The following DLG2 variants were observed in gnomAD, a reference collection of about 807,000 sequenced individuals.
The protein encoded by DLG2 is disks large homolog 2.
In DLG2, 45 loss-of-function variants were observed where a neutral mutation model predicts 132.5. The observed-to-expected ratio is 0.34, with a 90% confidence interval of 0.27 to 0.44. The LOEUF is 0.44. DLG2 is among the 20% of genes least tolerant of loss of function. The pLI, the probability that DLG2 is intolerant of heterozygous loss-of-function variation, is 1.00. For synonymous variants in DLG2, 424 were observed against 419.6 expected, an observed-to-expected ratio of 1.01 and a Z score of -0.13; for missense variants, 1,045 against 1,196.9, an observed-to-expected ratio of 0.87 and a Z score of 1.87.
chr11:85,139,946 T>C (rs2076359885), intron 5 of DLG2, among the ~76,000 whole-genome samples: 1 of 152,028 alleles, frequency 6.6e-6, no homozygotes, highest in Admixed American at 6.6e-5. Flanking sequence ...CTTATTTCAC[T>C]TAGCATAATG....
intron 7 of DLG2, among the ~76,000 whole-genome samples, chr11:84,345,126 T>C (rs2098533559): frequency 6.6e-6 from 1 of 152,096 alleles, no homozygotes; most frequent in South Asian, 2.1e-4. Context: ...TGCAAACTCA[T>C]GAAAATAAGA....
chr11:83,866,026 C>T (rs1048368344), intron 16 of DLG2, among the ~76,000 whole-genome samples: 4 of 152,084 alleles, frequency 2.6e-5, no homozygotes, highest in Non-Finnish European at 5.9e-5. Flanking sequence ...CCTGACCACC[C>T]CGACAAAGTC....
intron 7 of DLG2, among the ~76,000 whole-genome samples, chr11:84,491,025 T>A (rs1028516241): frequency 1.3e-5 from 2 of 151,790 alleles, no homozygotes; most frequent in Admixed American, 1.3e-4. Flanking sequence ...CATCTCAGAG[T>A]TAGTGGTAGA....
intron 8 of DLG2, among the ~76,000 whole-genome samples, chr11:84,189,005 GTTTA>G (rs1382727526): frequency 6.6e-6 from 1 of 152,086 alleles, no homozygotes; most frequent in Non-Finnish European, 1.5e-5. Context: ...TTCCTTATTT[GTTTA>G]TTTATTCATC....
intron 18 of DLG2, among the ~76,000 whole-genome samples, chr11:83,666,516 G>A (rs2075605409): frequency 6.6e-6 from 1 of 152,182 alleles, no homozygotes; most frequent in African/African-American, 2.4e-5. Context: ...GATGATCTGA[G>A]ATGGAATAGT....
chr11:85,122,781 G>T (rs2074478548), intron 5 of DLG2, among the ~76,000 whole-genome samples: 1 of 150,594 alleles, frequency 6.6e-6, no homozygotes, highest in Non-Finnish European at 1.5e-5. Flanking sequence ...AATCCCTGAA[G>T]GATTATAACG....
At chr11:83,881,468 G>T (rs1042429690) in intron 15 of DLG2, among the ~76,000 whole-genome samples, 1 of 152,008 alleles carries the variant, frequency 6.6e-6, no homozygotes, top group African/African-American at 2.4e-5. Context: ...AAGATGTGTT[G>T]GCCATTATAG....
chr11:83,841,854 A>G (rs1276706406), intron 16 of DLG2, among the ~76,000 whole-genome samples: 1 of 152,206 alleles, frequency 6.6e-6, no homozygotes, highest in African/African-American at 2.4e-5. Context: ...CACTGTGAAT[A>G]CAAAGATTAA....
At chr11:85,499,481 A>G (rs1032874531) in intron 3 of DLG2, among the ~76,000 whole-genome samples, 3 of 152,190 alleles carry the variant, frequency 2.0e-5, no homozygotes, top group Non-Finnish European at 4.4e-5. Flanking sequence ...AAAGTCCAGG[A>G]CCAGATGGAT....
chr11:85,585,795 C>A (rs2078929325), intron 3 of DLG2, among the ~76,000 whole-genome samples: 1 of 151,674 alleles, frequency 6.6e-6, no homozygotes, highest in South Asian at 2.1e-4. Context: ...CTCACTGCAA[C>A]CTCTGCCTCC....
At chr11:84,986,876 A>T (rs1205865927) in intron 6 of DLG2, among the ~76,000 whole-genome samples, 1 of 152,046 alleles carries the variant, frequency 6.6e-6, no homozygotes, top group Non-Finnish European at 1.5e-5. Context: ...TGCTCTAATC[A>T]CTCCTCTTCA....
chr11:85,188,515 C>T (rs1042547858), intron 4 of DLG2, among the ~76,000 whole-genome samples: 2 of 152,060 alleles, frequency 1.3e-5, no homozygotes, highest in Admixed American at 1.3e-4. Flanking sequence ...AAGCAGTCAA[C>T]AGAAACTCTC....
intron 18 of DLG2, among the ~76,000 whole-genome samples, chr11:83,694,712 C>A (rs1405143661): frequency 6.7e-6 from 1 of 150,218 alleles, no homozygotes; most frequent in Non-Finnish European, 1.5e-5. Flanking sequence ...TTTTTGAACC[C>A]AAGGGACTCG....
At chr11:83,633,097 A>T in intron 19 of DLG2, 114 bp downstream of exon 19, 1 of 839,214 alleles carries the variant, frequency 1.2e-6, no homozygotes, top group Non-Finnish European at 2.0e-6. Context: ...TCAGTAGTGT[A>T]CTGATGAAAG....
rs1023048892 is a variant in DLG2, at chr11:84,738,228, T to G, written c.358-203497A>C. Among the ~76,000 whole-genome samples the G allele has an allele frequency of 9.9e-5, 15 of 152,086 alleles. 1 individual carries two copies. The highest frequency in any genetic ancestry group is 3.1e-4 in the African/African-American group (13 of 41,436). On this transcript the variant is annotated intron_variant, in intron 6 of 27. Transcript: ENST00000376104. Reference sequence around the variant, plus strand: ...TGTAACAATTTTCTTTTTTTTCTTTTTCTTTTTTTTTGCTTGTTAAAAAAC... The same window carrying G: ...TGTAACAATTTTCTTTTTTTTCTTTGTCTTTTTTTTTGCTTGTTAAAAAAC...
chr11:84,576,370 G>C (rs1286487672), intron 6 of DLG2, among the ~76,000 whole-genome samples: 11 of 152,052 alleles, frequency 7.2e-5, no homozygotes, highest in Admixed American at 5.9e-4. Flanking sequence ...TCTGTTTTTA[G>C]CAGAAACAGA....
rs541631555 is a variant in DLG2 at position 85,427,439 on chromosome 11, T to C, written c.41-142074A>G. On this transcript the variant is annotated intron_variant, in intron 3 of 27. Coordinates refer to ENST00000376104, the MANE Select transcript of DLG2 (RefSeq NM_001142699.3). ...TAACAGCTGATCTCTTGGCAGAAACTCTACAAGCCAGAAGAGAGTGGGGGC... is the reference window on the plus strand; with the variant it reads ...TAACAGCTGATCTCTTGGCAGAAACCCTACAAGCCAGAAGAGAGTGGGGGC... Among the ~76,000 whole-genome samples the C allele has an allele frequency of 4.1e-3, 626 of 152,274 alleles. 5 individuals carry two copies. Among genetic ancestry groups the C allele is most frequent in the African/African-American group, 0.014 (563 of 41,550 alleles).
chr11:84,167,942 A>G (rs1170601548), intron 8 of DLG2, among the ~76,000 whole-genome samples: 1 of 152,244 alleles, frequency 6.6e-6, no homozygotes, highest in Non-Finnish European at 1.5e-5. Flanking sequence ...CTGGGATTAC[A>G]GGCGTGAGCC....
At chr11:83,558,452 G>A (rs2096556272) in intron 19 of DLG2, among the ~76,000 whole-genome samples, 1 of 152,128 alleles carries the variant, frequency 6.6e-6, no homozygotes. Flanking sequence ...TGGTGTTCAA[G>A]AGGAATAGAA....
Sources: gnomAD v4.1 joint callset for allele counts (sites outside exome capture counted in the v4.1 genomes callset) on GRCh38, gnomAD v4.1.1 for gene constraint, MANE v1.5 for transcripts, NCBI Gene and HGNC (gene_info 2026-07-23, HGNC 2026-07-21) for gene names.